CA10: variants seen among roughly 807,000 people sequenced by gnomAD.
The protein encoded by CA10 is carbonic anhydrase-related protein 10.
Under a neutral mutation model 44.2 loss-of-function variants are expected in CA10, and 14 were observed. That is an observed-to-expected ratio of 0.32 (90% CI 0.21 to 0.50). CA10 has a LOEUF of 0.50. Ranked by LOEUF, CA10 falls within the 20% of genes least tolerant of loss-of-function variation. The probability of loss-of-function intolerance (pLI) is 0.99; values close to 1 mark genes in which losing one functional copy is unlikely to be tolerated. For missense variants in CA10, 350 were observed against 409.7 expected, an observed-to-expected ratio of 0.85 and a Z score of 1.26; for synonymous variants, 159 against 141.6, an observed-to-expected ratio of 1.12 and a Z score of -0.87.
intron 3 of CA10, among the ~76,000 whole-genome samples, chr17:51,891,293 C>T (rs964270409): frequency 2.0e-5 from 3 of 151,974 alleles, no homozygotes; most frequent in South Asian, 4.2e-4. Flanking sequence ...GAGACAGATA[C>T]CCAAATAACT....
chr17:51,836,423 G>A (rs1156319976), intron 3 of CA10, among the ~76,000 whole-genome samples: 1 of 152,232 alleles, frequency 6.6e-6, no homozygotes, highest in Non-Finnish European at 1.5e-5. Context: ...GGCAAAGGCA[G>A]TCTGGTAAAG....
At chr17:52,058,398 T>C (rs1030761100) in intron 2 of CA10, among the ~76,000 whole-genome samples, 4 of 152,232 alleles carry the variant, frequency 2.6e-5, no homozygotes, top group Admixed American at 1.3e-4. Flanking sequence ...TTATTGTCTG[T>C]ATTTTACAAA....
rs538904753 is a variant in CA10, at chr17:52,117,371, C to A, written c.61+40355G>T. 2.0e-5 allele frequency among the ~76,000 whole-genome samples: 3 copies of A among 152,290 alleles called. No individual in the cohort carries two copies. In the South Asian group the frequency reaches 6.2e-4, roughly 32 times the overall value. ...AATCTGTTTTTGTCTTCCAGCTATA[C>A]CTGTTTATTGGGCCCTGGAAACAGC... On this transcript the variant is annotated intron_variant, in intron 1 of 8. Coordinates refer to ENST00000451037, the MANE Select transcript of CA10 (RefSeq NM_020178.5).
intron 2 of CA10, among the ~76,000 whole-genome samples, chr17:51,998,894 T>TC (rs1567914313): frequency 6.6e-6 from 1 of 152,026 alleles, no homozygotes; most frequent in Non-Finnish European, 1.5e-5. Context: ...GTGCATTTCT[T>TC]CCACTTCACA....
intron 4 of CA10, among the ~76,000 whole-genome samples, chr17:51,678,342 A>G (rs570922601): frequency 6.6e-6 from 1 of 152,320 alleles, no homozygotes; most frequent in Non-Finnish European, 1.5e-5. Flanking sequence ...TGTTCACTTT[A>G]AAATGGTTAC....
In CA10 at chr17:51,886,001, G is replaced by C. The variant is rs76970027; in HGVS notation, c.279+44989C>G. Among the ~76,000 whole-genome samples the C allele has an allele frequency of 1.2e-3, 187 of 152,292 alleles. 5 individuals carry two copies. The East Asian group carries it at 0.035, about 28-fold the overall frequency. On this transcript the variant is annotated intron_variant, in intron 3 of 8. Transcript: ENST00000451037. The stretch of plus-strand genomic sequence containing the variant: ...GAAGTTACAATAAACAAAAGCCTTC[G>C]AGAAAAGGCCTTAGTCATGGTCAGA...
At chr17:51,709,467 A>G (rs73354922) in intron 4 of CA10, among the ~76,000 whole-genome samples, 2,763 of 152,280 alleles carry the variant, frequency 0.018, 68 homozygotes, top group African/African-American at 0.061. Context: ...CAGCCACATG[A>G]AGATTTAAAG....
chr17:51,759,831 C>T (rs917674599), intron 3 of CA10, among the ~76,000 whole-genome samples: 7 of 152,122 alleles, frequency 4.6e-5, no homozygotes, highest in South Asian at 2.1e-4. Context: ...ATCCTCCCTT[C>T]GTGCCTTAAG....
chr17:51,693,311 T>G (rs1242992069), intron 4 of CA10, among the ~76,000 whole-genome samples: 1 of 152,176 alleles, frequency 6.6e-6, no homozygotes, highest in African/African-American at 2.4e-5. Context: ...CAGTTTAGAC[T>G]CCTCTGGGTA....
chr17:52,083,673 C>A (rs146741943), intron 1 of CA10, among the ~76,000 whole-genome samples: 50 of 152,252 alleles, frequency 3.3e-4, no homozygotes, highest in African/African-American at 1.1e-3. Context: ...ATTTGACTTT[C>A]TGTTTCTGAG....
chr17:51,929,828 A>G (rs1172829472), intron 3 of CA10, among the ~76,000 whole-genome samples: 4 of 152,188 alleles, frequency 2.6e-5, no homozygotes, highest in Non-Finnish European at 5.9e-5. Flanking sequence ...TCAGAGCAAT[A>G]AACTAAATGA....
At chr17:51,963,332 T>A (rs1567902166) in intron 2 of CA10, among the ~76,000 whole-genome samples, 1 of 152,146 alleles carries the variant, frequency 6.6e-6, no homozygotes, top group African/African-American at 2.4e-5. Context: ...TAAGCAACCT[T>A]GGAAACATAT....
chr17:51,829,969 T>C (rs1480511085), intron 3 of CA10, among the ~76,000 whole-genome samples: 1 of 151,804 alleles, frequency 6.6e-6, no homozygotes, highest in African/African-American at 2.4e-5. Context: ...GAGACTGAGG[T>C]AGGCAGATCA....
chr17:52,073,827 G>T (rs999789870), intron 1 of CA10, among the ~76,000 whole-genome samples: 2 of 152,140 alleles, frequency 1.3e-5, no homozygotes, highest in South Asian at 2.1e-4. Context: ...AGCCAGAAAG[G>T]TTCTGTCCAA....
intron 2 of CA10, among the ~76,000 whole-genome samples, chr17:51,933,887 C>T (rs1210728249): frequency 1.3e-5 from 2 of 152,224 alleles, no homozygotes; most frequent in Non-Finnish European, 2.9e-5. Flanking sequence ...CACTAATAAA[C>T]GTCATGCCCA....
intron 1 of CA10, among the ~76,000 whole-genome samples, chr17:52,124,490 T>C (rs919741900): frequency 6.6e-6 from 1 of 152,328 alleles, no homozygotes; most frequent in Non-Finnish European, 1.5e-5. Flanking sequence ...AAATGAATGA[T>C]ATAAGTCATG....
At chr17:51,944,455 G>T (rs533586162) in intron 2 of CA10, among the ~76,000 whole-genome samples, 2 of 152,048 alleles carry the variant, frequency 1.3e-5, no homozygotes, top group South Asian at 4.2e-4. Context: ...ACAATAAGCT[G>T]CATTTAAAAA....
At chr17:51,782,788 C>T (rs754284517) in intron 3 of CA10, among the ~76,000 whole-genome samples, 1 of 152,144 alleles carries the variant, frequency 6.6e-6, no homozygotes, top group Non-Finnish European at 1.5e-5. Flanking sequence ...CAGGATGTTG[C>T]ATCCTGAGTA....
chr17:51,907,001 G>A (rs936185836), intron 3 of CA10, among the ~76,000 whole-genome samples: 2 of 152,088 alleles, frequency 1.3e-5, no homozygotes, highest in Admixed American at 6.6e-5. Flanking sequence ...CACAGCAGTT[G>A]GAGTGATCTT....
Sources: gnomAD v4.1 joint callset for allele counts (sites outside exome capture counted in the v4.1 genomes callset) on GRCh38, gnomAD v4.1.1 for gene constraint, MANE v1.5 for transcripts, NCBI Gene and HGNC (gene_info 2026-07-23, HGNC 2026-07-21) for gene names.